Variants in MFSD2B observed in about 807,000 individuals in gnomAD.
MFSD2B encodes the protein MFSD2 lysolipid transporter B, sphingolipid, also known as sphingosine-1-phosphate transporter MFSD2B.
A neutral mutation model predicts 58.4 loss-of-function variants in MFSD2B; 56 were observed. The ratio of observed to expected loss-of-function variants is 0.96; its 90% CI spans 0.77 to 1.20. MFSD2B has a LOEUF of 1.20. Ranked by LOEUF, MFSD2B falls within the 50% of genes most tolerant of loss-of-function variation. MFSD2B has a pLI of 0.00. For missense variants in MFSD2B, 645 were observed against 667.6 expected, an observed-to-expected ratio of 0.97 and a Z score of 0.37; for synonymous variants, 287 against 294.4, an observed-to-expected ratio of 0.97 and a Z score of 0.26.
In MFSD2B at chr2:24,017,155, G is replaced by A. The variant is rs937039077; in HGVS notation, c.472-131G>A. The A allele has an allele frequency of 2.1e-5, 27 of 1,272,348 alleles. No homozygotes were observed. The highest frequency in any genetic ancestry group is 2.8e-5 in the South Asian group (2 of 70,686). 78.8% of individuals were successfully genotyped at this position (1,272,348 alleles called of 1,614,324 possible). Reference sequence around the variant, plus strand: ...CTCCTGCCTTTGGGACCCTAGCTCCGACTTCAGGTGGCCAGCTGGGATATG... The same window carrying A: ...CTCCTGCCTTTGGGACCCTAGCTCCAACTTCAGGTGGCCAGCTGGGATATG... On this transcript the variant is annotated intron_variant, in intron 4 of 13. Transcript: ENST00000338315. This position sits in a 1 kb window ranked among gnomAD's most constrained non-coding sequence, Gnocchi z 4.8.
rs548569452 is a variant in MFSD2B, at chr2:24,017,185, G to A, written c.472-101G>A. ...CAGGTGGCCAGCTGGGATATGTCAC[G>A]TTGGCCTGTGGGTGTCGGGATGTGA... On this transcript the variant is annotated intron_variant, in intron 4 of 13. Coordinates refer to ENST00000338315, the MANE Select transcript of MFSD2B (RefSeq NM_001346880.2). This position sits in a 1 kb window ranked among gnomAD's most constrained non-coding sequence, Gnocchi z 4.8. 8.9e-6 allele frequency: 12 copies of A among 1,345,268 alleles called. No individual in the cohort carries two copies. Among genetic ancestry groups the A allele is most frequent in the African/African-American group, 2.9e-5 (2 of 69,222 alleles). The allele number at this position is 1,345,268 out of a possible 1,614,324, so 83.3% of individuals were successfully genotyped here.
In MFSD2B at chr2:24,024,018, G is replaced by A; in HGVS notation, c.1314-77G>A. On this transcript the variant is annotated intron_variant, in intron 12 of 13. Coordinates refer to ENST00000338315, the MANE Select transcript of MFSD2B (RefSeq NM_001346880.2). This position sits in a 1 kb window ranked among gnomAD's most constrained non-coding sequence, Gnocchi z 4.3. ...ACGTTTCAGGAGGGGGTGGGGTGGG[G>A]TGAGGTGTCGAGTCCCTCCACCCAG... The A allele has an allele frequency of 7.1e-7, 1 of 1,416,330 alleles. No individual in the cohort carries two copies. The highest frequency in any genetic ancestry group is 9.8e-7 in the Non-Finnish European group (1 of 1,021,116). 87.7% of individuals were successfully genotyped at this position (1,416,330 alleles called of 1,614,324 possible). A position where few individuals can be genotyped will look rare whatever the true frequency, so the allele number is the denominator to read the frequency against.
intron 1 of MFSD2B, 21 bp from the exon 2 acceptor site, chr2:24,013,254 GAGAAGGGCTT>G: frequency 6.4e-7 from 1 of 1,556,618 alleles, no homozygotes; most frequent in Non-Finnish European, 8.8e-7. Flanking sequence ...TGTCTGTTGG[GAGAAGGGCTT>G]AGTTCCTGTG....
At chr2:24,025,314 G>A (rs1448578522) in intron 13 of MFSD2B, 118 bp from the exon 14 acceptor site, 5 of 855,190 alleles carry the variant, frequency 5.8e-6, no homozygotes, top group Admixed American at 2.0e-5. Flanking sequence ...GGGAGGAGTT[G>A]AAGAGGAGTT....
rs146431228 is a variant in MFSD2B at position 24,024,868 on chromosome 2, C to G, written c.1491-564C>G. ...GGTCTCTGACCTGGTCCTTCCCCTA[C>G]CAGAACACCGACCCCACTGACGGGG... On this transcript the variant is annotated intron_variant, in intron 13 of 13. Transcript: ENST00000338315. The surrounding 1 kb of genome is among the most constrained non-coding windows in gnomAD (Gnocchi z 4.3). 6.8e-4 allele frequency among the ~76,000 whole-genome samples: 103 copies of G among 152,296 alleles called. No homozygotes were observed. The highest frequency in any genetic ancestry group is 2.3e-3 in the African/African-American group (97 of 41,560).
At position 24,024,556 on chromosome 2, in the gene MFSD2B, T is replaced by C. The variant is rs1662913974; in HGVS notation, c.1490+285T>C. Among the ~76,000 whole-genome samples the C allele has an allele frequency of 6.6e-6, 1 of 152,162 alleles. No individual in the cohort carries two copies. Among genetic ancestry groups the C allele is most frequent in the Admixed American group, 6.5e-5 (1 of 15,272 alleles). On this transcript the variant is annotated intron_variant, in intron 13 of 13. Transcript: ENST00000338315. This position sits in a 1 kb window ranked among gnomAD's most constrained non-coding sequence, Gnocchi z 4.3. ...AAAGCCCCCTTGGTACCTCTTCTGC[T>C]AGCCTGACCCAACTCAGGCACTCCT...
chr2:24,016,736 C>A (rs866246236), intron 3 of MFSD2B, 109 bp from the exon 4 acceptor site: 2 of 1,401,186 alleles, frequency 1.4e-6, no homozygotes, highest in Admixed American at 2.2e-5. Flanking sequence ...GGCGCCCCAG[C>A]CTAGGGATTC....
Position 24,024,329 on chromosome 2 carries a change from G to A in MFSD2B, c.1490+58G>A. 6 of 1,496,872 alleles carry A rather than the reference G, an allele frequency of 4.0e-6. No individual in the cohort carries two copies. Among genetic ancestry groups the A allele is most frequent in the Admixed American group, 2.0e-5 (1 of 50,720 alleles). 92.7% of individuals were successfully genotyped at this position (1,496,872 alleles called of 1,614,324 possible). ...GCACAGTGTGGGCTGCTGGGGGAATGACTAACACCAGCCTGCAGACATCCC... is the reference window on the plus strand; with the variant it reads ...GCACAGTGTGGGCTGCTGGGGGAATAACTAACACCAGCCTGCAGACATCCC... On this transcript the variant is annotated intron_variant, in intron 13 of 13. Coordinates refer to ENST00000338315, the MANE Select transcript of MFSD2B (RefSeq NM_001346880.2). This position sits in a 1 kb window ranked among gnomAD's most constrained non-coding sequence, Gnocchi z 4.3.
chr2:24,015,948 G>A (rs1709127638), intron 2 of MFSD2B, among the ~76,000 whole-genome samples: 1 of 152,234 alleles, frequency 6.6e-6, no homozygotes, highest in Non-Finnish European at 1.5e-5. Context: ...GAGTACTAAT[G>A]GGAGTGTGCA....
Position 24,021,559 on chromosome 2 carries a change from A to T in MFSD2B, c.682-89A>T. 1 of 1,220,596 alleles carries T rather than the reference A, an allele frequency of 8.2e-7. No homozygotes were observed. The highest frequency in any genetic ancestry group is 1.2e-6 in the Non-Finnish European group (1 of 849,352). 75.6% of individuals were successfully genotyped at this position (1,220,596 alleles called of 1,614,324 possible). On this transcript the variant is annotated intron_variant, in intron 6 of 13. Transcript: ENST00000338315. This position sits in a 1 kb window ranked among gnomAD's most constrained non-coding sequence, Gnocchi z 5.7. ...TTGGGTTGTGCCTCCCTCCGCTCCC[A>T]CTGGGAGGCAGTACTGCCCTGCCCC...
At chr2:24,025,272 C>A (rs1008923109) in intron 13 of MFSD2B, among the ~76,000 whole-genome samples, 160 bp from the exon 14 acceptor site, 4 of 152,166 alleles carry the variant, frequency 2.6e-5, no homozygotes, top group African/African-American at 9.7e-5. Context: ...CTTGGAGAAA[C>A]AGGGTTGTAG....
Position 24,023,183 on chromosome 2 carries a change from A to G in MFSD2B, c.1113A>G (p.Ala371=). ...CTGCTGTGCCCACAGCACCTGTGGC[A>G]TATGTCGTGGCCTTTGTATCTGGCG... ...LLAAVPTAPV[A]YVVAFVSGVS... The change falls in exon 11 of 14, where the codon GCA becomes GCG. Residue 371 remains alanine (A), a synonymous_variant. Transcript: ENST00000338315. The surrounding 1 kb of genome is among the most constrained non-coding windows in gnomAD (Gnocchi z 5.0). 6.2e-6 allele frequency: 10 copies of G among 1,613,606 alleles called. No homozygotes were observed. The highest frequency in any genetic ancestry group is 8.5e-6 in the Non-Finnish European group (10 of 1,179,830).
rs1421476422 is a variant in MFSD2B at position 24,017,126 on chromosome 2, C to T, written c.471+158C>T. Among the ~76,000 whole-genome samples, 1 of 152,244 alleles carries T rather than the reference C, an allele frequency of 6.6e-6. No homozygotes were observed. The highest frequency in any genetic ancestry group is 1.9e-4 in the East Asian group (1 of 5,192). ...CGCCAGCCTTGCGCGGGACTGGCTG[C>T]CCCCTCCTGCCTTTGGGACCCTAGC... On this transcript the variant is annotated intron_variant, in intron 4 of 13. Transcript: ENST00000338315. This position sits in a 1 kb window ranked among gnomAD's most constrained non-coding sequence, Gnocchi z 4.8.
intron 1 of MFSD2B, among the ~76,000 whole-genome samples, chr2:24,011,860 G>A (rs1168912607): frequency 4.6e-5 from 7 of 152,176 alleles, no homozygotes; most frequent in African/African-American, 1.4e-4. Flanking sequence ...GTTAGGGAAT[G>A]CCTCTTGGAG....
chr2:24,010,654 C>T (rs1004398248), intron 1 of MFSD2B, among the ~76,000 whole-genome samples: 3 of 152,156 alleles, frequency 2.0e-5, no homozygotes, highest in African/African-American at 7.2e-5. Context: ...AGGTCCTGGC[C>T]ATGGGCTCCG....
chr2:24,015,963 G>A (rs1257758222), intron 2 of MFSD2B, among the ~76,000 whole-genome samples, 193 bp from the exon 3 acceptor site: 10 of 152,160 alleles, frequency 6.6e-5, no homozygotes, highest in Non-Finnish European at 1.5e-5. Flanking sequence ...TGTGCAGGGC[G>A]GCAGCACTCA....
intron 2 of MFSD2B, among the ~76,000 whole-genome samples, chr2:24,013,989 A>G (rs1353176639): frequency 6.8e-6 from 1 of 147,718 alleles, no homozygotes; most frequent in Non-Finnish European, 1.5e-5. Context: ...TCACAGGTGC[A>G]CACCACCACA....
Position 24,017,240 on chromosome 2 carries a change from C to A in MFSD2B, c.472-46C>A. ...CAGGATGGGGGAGGTCGCCCGCTGT[C>A]ACCAGGCAAAGCTGGGGGCGGTTCT... On this transcript the variant is annotated intron_variant, in intron 4 of 13. Coordinates refer to ENST00000338315, the MANE Select transcript of MFSD2B (RefSeq NM_001346880.2). This position sits in a 1 kb window ranked among gnomAD's most constrained non-coding sequence, Gnocchi z 4.8. 6.5e-7 allele frequency: 1 copy of A among 1,548,022 alleles called. No individual in the cohort carries two copies. Among genetic ancestry groups the A allele is most frequent in the Non-Finnish European group, 8.7e-7 (1 of 1,144,094 alleles).
chr2:24,022,982 G>A lies in MFSD2B; in HGVS notation c.1059+80G>A. On this transcript the variant is annotated intron_variant, in intron 10 of 13. Transcript: ENST00000338315. This position sits in a 1 kb window ranked among gnomAD's most constrained non-coding sequence, Gnocchi z 4.5. ...GGTGACCTTGGTGCCTGAGCCTCCT[G>A]GGGCCAGCAGGGGTGGATCTGTGTT... The A allele has an allele frequency of 2.9e-6, 4 of 1,400,010 alleles. No homozygotes were observed. Among genetic ancestry groups the A allele is most frequent in the Non-Finnish European group, 4.0e-6 (4 of 1,002,084 alleles). 86.7% of individuals were successfully genotyped at this position (1,400,010 alleles called of 1,614,324 possible). A position where few individuals can be genotyped will look rare whatever the true frequency, so the allele number is the denominator to read the frequency against.
Sources: allele counts gnomAD v4.1 joint callset (sites outside exome capture counted in the v4.1 genomes callset), GRCh38; gene constraint gnomAD v4.1.1; non-coding constraint Gnocchi (gnomAD v3.1); transcripts MANE v1.5; gene names NCBI Gene and HGNC (gene_info 2026-07-23, HGNC 2026-07-21).